Variants in MYO3B observed in about 807,000 individuals in gnomAD.
The protein encoded by MYO3B is myosin-IIIb.
MYO3B carries 156 observed loss-of-function variants against 174.6 expected under a neutral mutation model. The observed-to-expected ratio is 0.89, with a 90% CI of 0.78 to 1.02. MYO3B has a LOEUF of 1.02. Ranked by LOEUF, MYO3B falls within the 50% of genes least tolerant of loss-of-function variation. The pLI, the probability that MYO3B is intolerant of heterozygous loss-of-function variation, is 0.00. For missense variants in MYO3B, 1,632 were observed against 1,639.4 expected, an observed-to-expected ratio of 1.00 and a Z score of 0.08; for synonymous variants, 563 against 569.1, an observed-to-expected ratio of 0.99 and a Z score of 0.15.
intron 7 of MYO3B, 122 bp from the exon 8 acceptor site, chr2:170,335,263 C>G (rs2093939322): frequency 1.3e-6 from 1 of 749,076 alleles, no homozygotes; most frequent in Non-Finnish European, 2.2e-6. Context: ...AAAAATGACT[C>G]TCATATGAGA....
chr2:170,330,331 C>A (rs1197706538), intron 7 of MYO3B, among the ~76,000 whole-genome samples: 3 of 152,072 alleles, frequency 2.0e-5, no homozygotes, highest in Non-Finnish European at 4.4e-5. Flanking sequence ...TCTCTTAATT[C>A]ATCTTCCAAA....
intron 1 of MYO3B, among the ~76,000 whole-genome samples, chr2:170,197,583 A>T (rs959282211): frequency 3.9e-5 from 6 of 152,142 alleles, no homozygotes; most frequent in Non-Finnish European, 5.9e-5. Context: ...GCTGGATTTC[A>T]AGTTTCCATT....
intron 32 of MYO3B, among the ~76,000 whole-genome samples, chr2:170,569,219 A>G (rs1041527189): frequency 3.3e-5 from 5 of 152,214 alleles, no homozygotes; most frequent in Middle Eastern, 3.4e-3. Context: ...TCCCCTCTGT[A>G]TTTAGCTTTC....
intron 23 of MYO3B, among the ~76,000 whole-genome samples, chr2:170,446,935 A>C (rs543479868): frequency 4.0e-4 from 61 of 152,342 alleles, no homozygotes; most frequent in Admixed American, 9.1e-4. Context: ...GGTATGATTT[A>C]ATGGTATTAA....
intron 7 of MYO3B, among the ~76,000 whole-genome samples, chr2:170,250,158 T>G (rs866717474): frequency 9.2e-5 from 14 of 152,350 alleles, no homozygotes; most frequent in South Asian, 2.1e-4. Context: ...CATGACACCA[T>G]CAAGATTATT....
At chr2:170,560,484 T>C (rs534684858) in intron 32 of MYO3B, among the ~76,000 whole-genome samples, 12 of 152,344 alleles carry the variant, frequency 7.9e-5, no homozygotes, top group African/African-American at 2.4e-4. Flanking sequence ...TGACCTAATA[T>C]ACGTGAAGAC....
At chr2:170,467,912 T>C (rs1020592963) in intron 25 of MYO3B, among the ~76,000 whole-genome samples, 1 of 151,906 alleles carries the variant, frequency 6.6e-6, no homozygotes, top group Admixed American at 6.6e-5. Flanking sequence ...GCTCCTTTTT[T>C]CCTCTTAAAT....
Position 170,382,127 on chromosome 2 carries a change from G to A in MYO3B, c.1068+15G>A. On this transcript the variant is annotated intron_variant, in intron 10 of 34. Coordinates refer to ENST00000408978, the MANE Select transcript of MYO3B (RefSeq NM_138995.5). ...TTCTGGATGAGGTACTAAATATTTA[G>A]TAGACAATTCTCATTGAAGACATTT... 1 of 1,596,522 alleles carries A rather than the reference G, an allele frequency of 6.3e-7. No individual in the cohort carries two copies. Among genetic ancestry groups the A allele is most frequent in the Non-Finnish European group, 8.6e-7 (1 of 1,164,608 alleles).
intron 32 of MYO3B, among the ~76,000 whole-genome samples, chr2:170,597,140 G>A (rs141505603): frequency 6.6e-6 from 1 of 152,044 alleles, no homozygotes; most frequent in Non-Finnish European, 1.5e-5. Flanking sequence ...AGCCACCATG[G>A]AACAAACCCT....
rs1692870677 is a variant in MYO3B, at chr2:170,577,715, TAGA to T, written c.3733+33731_3733+33733del. ...CTTTAAAATGAAATATCTTAAATTTTAGAAGATTCATTTTCCTGTGAGTGACTT... is the reference window on the plus strand; with the variant it reads ...CTTTAAAATGAAATATCTTAAATTTTAGATTCATTTTCCTGTGAGTGACTT... On this transcript the variant is annotated intron_variant, in intron 32 of 34. Transcript: ENST00000408978. 5.3e-5 allele frequency among the ~76,000 whole-genome samples: 8 copies of T among 152,226 alleles called. No homozygotes were observed. The South Asian group carries it at 1.7e-3, about 32-fold the overall frequency.
chr2:170,439,075 GTT>G (rs369103393), intron 22 of MYO3B, among the ~76,000 whole-genome samples: 17 of 131,782 alleles, frequency 1.3e-4, no homozygotes, highest in South Asian at 2.5e-4. Context: ...TATTTAAATT[GTT>G]TTTTTTTTTT....
At chr2:170,607,275 TA>T (rs1427771025) in intron 32 of MYO3B, among the ~76,000 whole-genome samples, 2 of 152,224 alleles carry the variant, frequency 1.3e-5, no homozygotes, top group East Asian at 3.8e-4. Context: ...TGGGATAGAT[TA>T]GATTATGATG....
chr2:170,277,798 A>G (rs1199153096), intron 7 of MYO3B, among the ~76,000 whole-genome samples: 4 of 152,240 alleles, frequency 2.6e-5, no homozygotes, highest in African/African-American at 7.2e-5. Context: ...AGTTTGCTGC[A>G]CATCTTTCAG....
chr2:170,422,179 C>T (rs1349835290), intron 22 of MYO3B, among the ~76,000 whole-genome samples: 1 of 152,164 alleles, frequency 6.6e-6, no homozygotes, highest in East Asian at 1.9e-4. Context: ...ACCAGATGTT[C>T]AGTCTTGAGT....
chr2:170,652,110 A>T lies in MYO3B; in HGVS notation c.3843A>T (p.Gly1281=), dbSNP rs1238830658. 1 of 1,613,754 alleles carries T rather than the reference A, an allele frequency of 6.2e-7. No homozygotes were observed. The highest frequency in any genetic ancestry group is 8.5e-7 in the Non-Finnish European group (1 of 1,179,960). ...TGTGTTCTTGGCCCTCTCCACAGGGAACTCTAGAATATCAAGGGAGCAAGA... is the reference window on the plus strand; with the variant it reads ...TGTGTTCTTGGCCCTCTCCACAGGGTACTCTAGAATATCAAGGGAGCAAGA... The part of the protein sequence containing the change: ...EDTMYYNQLN[G]TLEYQGSKRK... The change falls in exon 34 of 35, where the codon GGA becomes GGT. Residue 1281 remains glycine (G), a splice_region_variant and synonymous_variant. Coordinates refer to ENST00000408978, the MANE Select transcript of MYO3B (RefSeq NM_138995.5).
intron 7 of MYO3B, among the ~76,000 whole-genome samples, chr2:170,324,453 T>G (rs1469602055): frequency 6.6e-6 from 1 of 152,158 alleles, no homozygotes; most frequent in Non-Finnish European, 1.5e-5. Context: ...TTCTATAATC[T>G]CTTCTTTATC....
intron 32 of MYO3B, among the ~76,000 whole-genome samples, chr2:170,596,186 C>A (rs1694133770): frequency 6.6e-6 from 1 of 151,874 alleles, no homozygotes; most frequent in Admixed American, 6.6e-5. Context: ...AATTTCTGGC[C>A]AAAAGGAAAA....
intron 7 of MYO3B, among the ~76,000 whole-genome samples, chr2:170,319,425 A>G (rs1265038108): frequency 2.0e-5 from 3 of 152,182 alleles, no homozygotes; most frequent in African/African-American, 4.8e-5. Context: ...TTGAGATGGT[A>G]AAAGAAAGAA....
At position 170,654,672 on chromosome 2, in the gene MYO3B, A is replaced by AG. The variant is rs1473009337; in HGVS notation, c.*1551_*1552insG. On this transcript the variant is annotated 3_prime_UTR_variant, in exon 35 of 35. Coordinates refer to ENST00000408978, the MANE Select transcript of MYO3B (RefSeq NM_138995.5). ...CAAAAAAAAAAAAAAAAAAAAAAAAAAGAGATAGTATGCAAGAAGACACCT... is the reference window on the plus strand; with the variant it reads ...CAAAAAAAAAAAAAAAAAAAAAAAAAGAGAGATAGTATGCAAGAAGACACCT... 2 of 150,428 alleles carry AG rather than the reference A, an allele frequency of 1.3e-5. No homozygotes were observed. The highest frequency in any genetic ancestry group is 4.9e-5 in the African/African-American group (2 of 40,982). 9.3% of individuals were successfully genotyped at this position (150,428 alleles called of 1,614,324 possible). A position where few individuals can be genotyped will look rare whatever the true frequency, so the allele number is the denominator to read the frequency against.
Sources: allele counts gnomAD v4.1 joint callset (sites outside exome capture counted in the v4.1 genomes callset), GRCh38; gene constraint gnomAD v4.1.1; transcripts MANE v1.5; gene names NCBI Gene and HGNC (gene_info 2026-07-23, HGNC 2026-07-21).